The following FAM83F variants were observed in gnomAD, a reference collection of about 807,000 sequenced individuals.
FAM83F encodes the protein protein FAM83F.
FAM83F carries 45 observed loss-of-function variants against 42.9 expected under a neutral mutation model. The ratio of observed to expected loss-of-function variants is 1.05; its 90% confidence interval spans 0.83 to 1.35. The LOEUF is 1.35. Ranked by LOEUF, FAM83F falls within the 40% of genes most tolerant of loss-of-function variation. The pLI is 0.00. For missense variants in FAM83F, 617 were observed against 695.9 expected, an observed-to-expected ratio of 0.89 and a Z score of 1.28; for synonymous variants, 306 against 298.3, an observed-to-expected ratio of 1.03 and a Z score of -0.27.
intron 3 of FAM83F, among the ~76,000 whole-genome samples, chr22:40,020,977 A>G (rs1414162784): frequency 6.6e-6 from 1 of 152,264 alleles, no homozygotes; most frequent in African/African-American, 2.4e-5. Context: ...TGTGCCTCAC[A>G]ACAACCCTGT....
At position 39,995,111 on chromosome 22, in the gene FAM83F, C is replaced by T. The variant is rs758541793; in HGVS notation, c.69C>T (p.Ala23=). ...ACGAGAAGGTGACCGAGGCGCAGGC[C>T]GCCTTCTACTACTGCGAGCGGCGGC... ...HVNEKVTEAQ[A]AFYYCERRRA... Residue 23 remains alanine, a synonymous_variant, in exon 1 of 5, where the codon GCC becomes GCT. Coordinates refer to ENST00000333407, the MANE Select transcript of FAM83F (RefSeq NM_138435.4). This position sits in a 1 kb window ranked among gnomAD's most constrained non-coding sequence, Gnocchi z 4.6. The T allele has an allele frequency of 1.6e-5, 22 of 1,360,422 alleles. 1 individual carries two copies. The African/African-American group carries it at 1.7e-4, about 10-fold the overall frequency. 84.3% of individuals were successfully genotyped at this position (1,360,422 alleles called of 1,614,324 possible).
chr22:40,021,659 G>T lies in FAM83F; in HGVS notation c.1149G>T (p.Gln383His), dbSNP rs759793024. 1 of 1,607,604 alleles carries T rather than the reference G, an allele frequency of 6.2e-7. No homozygotes were observed. The highest frequency in any genetic ancestry group is 8.5e-7 in the Non-Finnish European group (1 of 1,175,320). The change falls in exon 4 of 5, where the codon CAG (glutamine) becomes CAT (histidine). Residue 383 changes from glutamine to histidine, a missense_variant. By Grantham distance (24) the Gln-to-His change is conservative (BLOSUM62 0). Coordinates refer to ENST00000333407, the MANE Select transcript of FAM83F (RefSeq NM_138435.4). This position sits in a 1 kb window ranked among gnomAD's most constrained non-coding sequence, Gnocchi z 8.7. ...SFLKDLVTVE[Q>H]VLPPVEPIPL... is the part of the protein sequence containing the mutation. ...TGAAAGACCTGGTTACGGTGGAGCA[G>T]GTGCTGCCCCCCGTGGAGCCCATCC...
rs1231524295 is a variant in FAM83F at position 40,030,836 on chromosome 22, ACT to A, written c.*1275_*1276del. 1.3e-5 allele frequency: 2 copies of A among 152,144 alleles called. No individual in the cohort carries two copies. Among genetic ancestry groups the A allele is most frequent in the South Asian group, 2.1e-4 (1 of 4,826 alleles). 9.4% of individuals were successfully genotyped at this position (152,144 alleles called of 1,614,324 possible). ...TCTTGCCCTCTGACCTCTGAACCAA[ACT>A]CTCATCCTCTTTCTTTCCTTCTAAA... On this transcript the variant is annotated 3_prime_UTR_variant, in exon 5 of 5. Coordinates refer to ENST00000333407, the MANE Select transcript of FAM83F (RefSeq NM_138435.4).
At chr22:40,019,083 A>C (rs1276845933) in intron 1 of FAM83F, 85 bp from the exon 2 acceptor site, 1 of 1,520,128 alleles carries the variant, frequency 6.6e-7, no homozygotes, top group East Asian at 2.3e-5. Flanking sequence ...CAGTGACCCC[A>C]GGGCGAGGTG....
At chr22:40,001,191 T>C (rs1360759804) in intron 1 of FAM83F, among the ~76,000 whole-genome samples, 4 of 152,246 alleles carry the variant, frequency 2.6e-5, no homozygotes, top group African/African-American at 9.6e-5. Context: ...ACCAGCTTCA[T>C]GTCAAAAACA....
At position 40,038,863 on chromosome 22, in the gene FAM83F, C is replaced by T. The variant is rs2067639351; in HGVS notation, c.*9298C>T. On this transcript the variant is annotated 3_prime_UTR_variant, in exon 5 of 5. Transcript: ENST00000333407. ...CCCGTGAGTCTCACAACAGCCCCAA[C>T]AGGCAAGTGTTATTTTCCTCAATTC... is the stretch of plus-strand genomic sequence containing the variant. 6.6e-6 allele frequency: 1 copy of T among 152,286 alleles called. No homozygotes were observed. The highest frequency in any genetic ancestry group is 2.4e-5 in the African/African-American group (1 of 41,456). The allele number at this position is 152,286 out of a possible 1,614,324, so 9.4% of individuals were successfully genotyped here.
chr22:40,001,095 C>T (rs749888032), intron 1 of FAM83F, among the ~76,000 whole-genome samples: 2 of 152,204 alleles, frequency 1.3e-5, no homozygotes, highest in African/African-American at 2.4e-5. Flanking sequence ...TCCTGGCAAG[C>T]CCTGGACGAA....
At chr22:40,000,518 T>A (rs181834969) in intron 1 of FAM83F, among the ~76,000 whole-genome samples, 34 of 152,178 alleles carry the variant, frequency 2.2e-4, no homozygotes, top group Non-Finnish European at 3.7e-4. Flanking sequence ...GACGTTTCCC[T>A]CATTCAGCTA....
Position 40,036,275 on chromosome 22 carries a change from C to T in FAM83F, c.*6710C>T, listed in dbSNP as rs966088064. 1.3e-5 allele frequency: 2 copies of T among 152,260 alleles called. No homozygotes were observed. The highest frequency in any genetic ancestry group is 4.8e-5 in the African/African-American group (2 of 41,452). The allele number at this position is 152,260 out of a possible 1,614,324, so 9.4% of individuals were successfully genotyped here. On this transcript the variant is annotated 3_prime_UTR_variant, in exon 5 of 5. Transcript: ENST00000333407. ...GAACTCCTGGCCTCAAGCGATCCTTCCGCCTTGGCCTCCCAAAGTGTTGGG... is the reference window on the plus strand; with the variant it reads ...GAACTCCTGGCCTCAAGCGATCCTTTCGCCTTGGCCTCCCAAAGTGTTGGG...
In FAM83F at chr22:40,034,703, G is replaced by A. The variant is rs1358278441; in HGVS notation, c.*5138G>A. 1 of 152,272 alleles carries A rather than the reference G, an allele frequency of 6.6e-6. No individual in the cohort carries two copies. Among genetic ancestry groups the A allele is most frequent in the Non-Finnish European group, 1.5e-5 (1 of 68,054 alleles). The allele number at this position is 152,272 out of a possible 1,614,324, so 9.4% of individuals were successfully genotyped here. A position where few individuals can be genotyped will look rare whatever the true frequency, so the allele number is the denominator to read the frequency against. ...TGATTGAAGACTTGACTGCCATTCAGTACAGAGAATTAGCCAGGTGAATAA... is the reference window on the plus strand; with the variant it reads ...TGATTGAAGACTTGACTGCCATTCAATACAGAGAATTAGCCAGGTGAATAA... On this transcript the variant is annotated 3_prime_UTR_variant, in exon 5 of 5. Transcript: ENST00000333407.
chr22:40,009,353 G>A (rs2067451386), intron 1 of FAM83F, among the ~76,000 whole-genome samples: 1 of 152,168 alleles, frequency 6.6e-6, no homozygotes, highest in African/African-American at 2.4e-5. Context: ...GGCAACAGCA[G>A]CCGCACCCGC....
Position 40,021,153 on chromosome 22 carries a change from G to T in FAM83F, c.780-137G>T. On this transcript the variant is annotated intron_variant, in intron 3 of 4. Coordinates refer to ENST00000333407, the MANE Select transcript of FAM83F (RefSeq NM_138435.4). The surrounding 1 kb of genome is among the most constrained non-coding windows in gnomAD (Gnocchi z 8.7). ...GGCTACGGGTGGGTGGAGGGAATCA[G>T]TCCAGCGTGTGGCCCACAAGGAGCC... 2.0e-6 allele frequency: 2 copies of T among 1,025,498 alleles called. No homozygotes were observed. The highest frequency in any genetic ancestry group is 2.7e-6 in the Non-Finnish European group (2 of 739,428). The allele number at this position is 1,025,498 out of a possible 1,614,324, so 63.5% of individuals were successfully genotyped here.
rs1253048022 is a variant in FAM83F at position 40,032,169 on chromosome 22, C to A, written c.*2604C>A. 2 of 152,326 alleles carry A rather than the reference C, an allele frequency of 1.3e-5. No individual in the cohort carries two copies. Among genetic ancestry groups the A allele is most frequent in the African/African-American group, 4.8e-5 (2 of 41,416 alleles). 9.4% of individuals were successfully genotyped at this position (152,326 alleles called of 1,614,324 possible). A position where few individuals can be genotyped will look rare whatever the true frequency, so the allele number is the denominator to read the frequency against. The stretch of plus-strand genomic sequence containing the variant: ...GCTGGGGTCTGGCTTCACTGCACCC[C>A]CCTCCCACCCCACACCACCACCAAG... On this transcript the variant is annotated 3_prime_UTR_variant, in exon 5 of 5. Coordinates refer to ENST00000333407, the MANE Select transcript of FAM83F (RefSeq NM_138435.4).
At chr22:40,012,373 G>T (rs1435682443) in intron 1 of FAM83F, among the ~76,000 whole-genome samples, 1 of 152,070 alleles carries the variant, frequency 6.6e-6, no homozygotes, top group Non-Finnish European at 1.5e-5. Context: ...GACCTCAGGT[G>T]ATCCATCCGC....
At chr22:40,022,354 C>T (rs2067528195) in intron 4 of FAM83F, among the ~76,000 whole-genome samples, 1 of 152,234 alleles carries the variant, frequency 6.6e-6, no homozygotes, top group African/African-American at 2.4e-5. Flanking sequence ...GGGGGCTCTG[C>T]ACAGTGGGGT....
At chr22:40,027,680 C>T (rs1208059606) in intron 4 of FAM83F, among the ~76,000 whole-genome samples, 12 of 152,202 alleles carry the variant, frequency 7.9e-5, no homozygotes, top group Admixed American at 3.3e-4. Context: ...CTGTCCTGTC[C>T]GGGGCTAGGA....
rs780438842 is a variant in FAM83F, at chr22:39,995,113, C to T, written c.71C>T (p.Ala24Val). The T allele has an allele frequency of 1.8e-5, 25 of 1,363,148 alleles. No individual in the cohort carries two copies. In the South Asian group the frequency reaches 4.0e-4, roughly 22 times the overall value. The allele number at this position is 1,363,148 out of a possible 1,614,324, so 84.4% of individuals were successfully genotyped here. A position where few individuals can be genotyped will look rare whatever the true frequency, so the allele number is the denominator to read the frequency against. The change falls in exon 1 of 5, where the codon GCC (alanine) becomes GTC (valine). Residue 24 changes from alanine to valine, a missense_variant. Transcript: ENST00000333407. The surrounding 1 kb of genome is among the most constrained non-coding windows in gnomAD (Gnocchi z 4.6). ...VNEKVTEAQA[A>V]FYYCERRRAA... ...GAGAAGGTGACCGAGGCGCAGGCCG[C>T]CTTCTACTACTGCGAGCGGCGGCGG...
intron 1 of FAM83F, among the ~76,000 whole-genome samples, chr22:40,016,719 A>G (rs1205051304): frequency 6.6e-6 from 1 of 152,044 alleles, no homozygotes; most frequent in African/African-American, 2.4e-5. Context: ...GCTGGAGTGC[A>G]GTGGCACAAT....
chr22:40,035,935 A>G lies in FAM83F; in HGVS notation c.*6370A>G, dbSNP rs2067621353. The G allele has an allele frequency of 1.3e-5, 2 of 152,288 alleles. No homozygotes were observed. Among genetic ancestry groups the G allele is most frequent in the African/African-American group, 4.8e-5 (2 of 41,552 alleles). The allele number at this position is 152,288 out of a possible 1,614,324, so 9.4% of individuals were successfully genotyped here. ...TCCCTGTGAAATTTACCACTTTCAT[A>G]TTGAATCGTTGGCACACAGGGCTAA... On this transcript the variant is annotated 3_prime_UTR_variant, in exon 5 of 5. Coordinates refer to ENST00000333407, the MANE Select transcript of FAM83F (RefSeq NM_138435.4).
Sources: gnomAD v4.1 joint callset for allele counts (sites outside exome capture counted in the v4.1 genomes callset) on GRCh38, gnomAD v4.1.1 for gene constraint, Gnocchi (gnomAD v3.1) non-coding constraint, MANE v1.5 for transcripts, NCBI Gene and HGNC (gene_info 2026-07-23, HGNC 2026-07-21) for gene names.